Variants in SYDE2 observed in about 807,000 individuals in gnomAD.
SYDE2 encodes the protein synapse defective Rho GTPase homolog 2.
A neutral mutation model predicts 91.5 loss-of-function variants in SYDE2; 76 were observed. The ratio of observed to expected loss-of-function variants is 0.83; its 90% CI spans 0.69 to 1.01. The LOEUF is 1.01. SYDE2 is among the 50% of genes least tolerant of loss of function. The pLI, the probability that SYDE2 is intolerant of heterozygous loss-of-function variation, is 0.00. For synonymous variants in SYDE2, 513 were observed against 506.4 expected, an observed-to-expected ratio of 1.01 and a Z score of -0.18; for missense variants, 1,364 against 1,367.7, an observed-to-expected ratio of 1.00 and a Z score of 0.04.
intron 2 of SYDE2, among the ~76,000 whole-genome samples, chr1:85,188,190 T>C (rs1161910916): frequency 2.6e-5 from 4 of 152,176 alleles, no homozygotes; most frequent in African/African-American, 9.7e-5. Flanking sequence ...CACTCCACCC[T>C]GATCACAATC....
At position 85,159,988 on chromosome 1, in the gene SYDE2, C is replaced by T. The variant is rs949349411; in HGVS notation, c.3086-739G>A. 1.0e-5 allele frequency: 10 copies of T among 981,270 alleles called. No homozygotes were observed. In the Admixed American group the frequency reaches 3.7e-4, roughly 37 times the overall value. The allele number at this position is 981,270 out of a possible 1,614,324, so 60.8% of individuals were successfully genotyped here. ...GTATGCATTGTGCTAGCCATATAGA[C>T]GATTACCACAGAGACACACATTACT... On this transcript the variant is annotated intron_variant, in intron 6 of 6. Coordinates refer to ENST00000341460, the MANE Select transcript of SYDE2 (RefSeq NM_032184.2).
intron 3 of SYDE2, 142 bp from the exon 4 acceptor site, chr1:85,178,414 C>T (rs1036985976): frequency 5.7e-6 from 4 of 697,854 alleles, no homozygotes; most frequent in Non-Finnish European, 9.3e-6. Context: ...TTTGAAGTCT[C>T]ATTATATACT....
chr1:85,200,387 C>A lies in SYDE2; in HGVS notation c.610G>T (p.Gly204Ter). The change falls in exon 1 of 7, where the codon GGA (glycine) becomes TGA (stop). Residue 204 changes from glycine (G) to a stop codon, truncating the protein, a stop_gained. Transcript: ENST00000341460. LOFTEE classifies it high-confidence loss of function. Reference sequence around the variant, plus strand: ...GTCCCACGGGCACGACCCTTCATTCCCAGGGACAGCAGACGCCCTTTGTAC... The same window carrying A: ...GTCCCACGGGCACGACCCTTCATTCACAGGGACAGCAGACGCCCTTTGTAC... The part of the protein sequence containing the change: ...WMYKGRLLSL[G>*]MKGRARGTAP... The A allele has an allele frequency of 6.2e-7, 1 of 1,614,028 alleles. No individual in the cohort carries two copies. The highest frequency in any genetic ancestry group is 8.5e-7 in the Non-Finnish European group (1 of 1,179,900).
At position 85,164,694 on chromosome 1, in the gene SYDE2, T is replaced by A; in HGVS notation, c.2917A>T (p.Met973Leu). ...LVASYHEVNK[M>L]TCQNLAVCFG... ...CACACAGCCAAATTCTGGCACGTCA[T>A]CTTATTCACTTCATGATAGGAAGCC... is the stretch of plus-strand genomic sequence containing the variant. The change falls in exon 6 of 7, where the codon ATG becomes TTG. Residue 973 changes from methionine (M) to leucine (L), a missense_variant. Met to Leu is a conservative substitution (Grantham distance 15, BLOSUM62 2). Transcript: ENST00000341460. 1.3e-6 allele frequency: 2 copies of A among 1,525,646 alleles called. No homozygotes were observed. Among genetic ancestry groups the A allele is most frequent in the Non-Finnish European group, 1.8e-6 (2 of 1,137,358 alleles). The allele number at this position is 1,525,646 out of a possible 1,614,324, so 94.5% of individuals were successfully genotyped here. A position where few individuals can be genotyped will look rare whatever the true frequency, so the allele number is the denominator to read the frequency against.
In SYDE2 at chr1:85,159,859, A is replaced by G. The variant is rs372274311; in HGVS notation, c.3086-610T>C. The G allele has an allele frequency of 1.2e-4, 116 of 983,380 alleles. No individual in the cohort carries two copies. The African/African-American group carries it at 2.0e-3, about 17-fold the overall frequency. The allele number at this position is 983,380 out of a possible 1,614,324, so 60.9% of individuals were successfully genotyped here. ...TTATACAGCATTATCTACTATCTTC[A>G]TTTATTGCCTGGAAATAGTACAGAT... On this transcript the variant is annotated intron_variant, in intron 6 of 6. Coordinates refer to ENST00000341460, the MANE Select transcript of SYDE2 (RefSeq NM_032184.2).
chr1:85,199,145 TAA>T (rs1658711255), intron 1 of SYDE2, among the ~76,000 whole-genome samples: 1 of 152,212 alleles, frequency 6.6e-6, no homozygotes, highest in South Asian at 2.1e-4. Context: ...TTAATGTGTA[TAA>T]ATCCAGTCCT....
At chr1:85,192,046 C>T (rs537700159) in intron 1 of SYDE2, among the ~76,000 whole-genome samples, 3 of 152,244 alleles carry the variant, frequency 2.0e-5, no homozygotes, top group Admixed American at 1.3e-4. Context: ...GTCAACTCAT[C>T]TTATTGGCAC....
At chr1:85,179,644 C>G (rs1394762738) in intron 3 of SYDE2, among the ~76,000 whole-genome samples, 4 of 152,144 alleles carry the variant, frequency 2.6e-5, no homozygotes, top group African/African-American at 4.8e-5. Flanking sequence ...ATGAGTTATG[C>G]TGATCACATC....
At chr1:85,197,816 G>A (rs550263971) in intron 1 of SYDE2, among the ~76,000 whole-genome samples, 6 of 151,854 alleles carry the variant, frequency 4.0e-5, no homozygotes, top group East Asian at 3.9e-4. Context: ...CACCACGCCC[G>A]GCTAATTTTT....
chr1:85,164,558 T>A lies in SYDE2; in HGVS notation c.3053A>T (p.Glu1018Val). 1 of 1,604,630 alleles carries A rather than the reference T, an allele frequency of 6.2e-7. No individual in the cohort carries two copies. The highest frequency in any genetic ancestry group is 8.5e-7 in the Non-Finnish European group (1 of 1,175,862). The change falls in exon 6 of 7, where the codon GAA becomes GTA. Residue 1018 changes from glutamate to valine, a missense_variant. Physicochemically the swap from Glu to Val is moderately radical, Grantham distance 121. Coordinates refer to ENST00000341460, the MANE Select transcript of SYDE2 (RefSeq NM_032184.2). Reference protein sequence around the residue: ...ASALDFKKHIEVLHYLLQLWP... With the variant: ...ASALDFKKHIVVLHYLLQLWP... ...GAGTTGGAGTAAGTAATGAAGAACT[T>A]CAATGTGTTTTTTAAAATCCAAAGC...
intron 1 of SYDE2, among the ~76,000 whole-genome samples, chr1:85,194,347 G>A (rs934809294): frequency 3.3e-5 from 5 of 149,478 alleles, no homozygotes; most frequent in Admixed American, 6.7e-5. Flanking sequence ...TATTTTTGTA[G>A]AGAAAGGGTC....
chr1:85,182,009 T>G lies in SYDE2; in HGVS notation c.2544+89A>C, dbSNP rs907277758. 4.5e-6 allele frequency: 6 copies of G among 1,325,538 alleles called. No homozygotes were observed. In the East Asian group the frequency reaches 1.5e-4, roughly 34 times the overall value. 82.1% of individuals were successfully genotyped at this position (1,325,538 alleles called of 1,614,324 possible). A position where few individuals can be genotyped will look rare whatever the true frequency, so the allele number is the denominator to read the frequency against. On this transcript the variant is annotated intron_variant, in intron 3 of 6. Coordinates refer to ENST00000341460, the MANE Select transcript of SYDE2 (RefSeq NM_032184.2). Reference sequence around the variant, plus strand: ...GAATGGTAAAATATCTAAATTTGATTTTTTTACATTACCTTGAATTTCTTC... The same window carrying G: ...GAATGGTAAAATATCTAAATTTGATGTTTTTACATTACCTTGAATTTCTTC...
At chr1:85,152,615 T>A (rs1185042841), downstream of SYDE2, 2 of 152,240 alleles carry the variant, frequency 1.3e-5, no homozygotes, top group East Asian at 3.8e-4. Context: ...CTTATTACAG[T>A]TATTCATTGA....
intron 2 of SYDE2, among the ~76,000 whole-genome samples, chr1:85,185,922 T>C (rs985378382): frequency 3.3e-5 from 5 of 152,182 alleles, no homozygotes; most frequent in Admixed American, 3.3e-4. Flanking sequence ...CAGTATGATA[T>C]TGGCTGTGGG....
In SYDE2 at chr1:85,183,088, A is replaced by G. The variant is rs760017813; in HGVS notation, c.1554T>C (p.Asp518=). ...TCACAGTTCGTGGAGATTTTATTTT[A>G]TCTGGCAATGACCAATTAATTGAAC... ...KGSSINWSLP[D]KIKSPRTVRK... is the part of the protein sequence containing the mutation. Residue 518 remains aspartate, a synonymous_variant, in exon 3 of 7, where the codon GAT becomes GAC. Coordinates refer to ENST00000341460, the MANE Select transcript of SYDE2 (RefSeq NM_032184.2). 11 of 1,613,472 alleles carry G rather than the reference A, an allele frequency of 6.8e-6. No homozygotes were observed. The South Asian group carries it at 8.8e-5, about 13-fold the overall frequency.
At chr1:85,178,098 G>A (rs912272179) in intron 4 of SYDE2, 48 bp downstream of exon 4, 5 of 1,404,398 alleles carry the variant, frequency 3.6e-6, no homozygotes, top group Non-Finnish European at 3.9e-6. Flanking sequence ...CTTTCTTGCA[G>A]ATGTAGTCTT....
downstream of SYDE2, among the ~76,000 whole-genome samples, chr1:85,156,051 T>C (rs549030870): frequency 2.0e-5 from 3 of 152,248 alleles, no homozygotes; most frequent in East Asian, 5.8e-4. Context: ...TGAAGTGAGA[T>C]AAACTGTTTA....
At chr1:85,199,281 T>C (rs1480604237) in intron 1 of SYDE2, among the ~76,000 whole-genome samples, 1 of 152,212 alleles carries the variant, frequency 6.6e-6, no homozygotes, top group Non-Finnish European at 1.5e-5. Context: ...AAAATTTTTA[T>C]ATGTAAGAGT....
rs56191061 is a variant in SYDE2 at position 85,190,233 on chromosome 1, G to A, written c.1265C>T (p.Ser422Leu). ...LMKAERHTEDSLCSSEHAGDI... is the reference protein window; with the variant it reads ...LMKAERHTEDLLCSSEHAGDI... ...ACCTGCATGTTCGGAAGAGCACAGTGAGTCTTCAGTATGCCGCTCTGCTTT... is the reference window on the plus strand; with the variant it reads ...ACCTGCATGTTCGGAAGAGCACAGTAAGTCTTCAGTATGCCGCTCTGCTTT... Residue 422 changes from serine to leucine, a missense_variant, in exon 2 of 7, where the codon TCA (serine) becomes TTA (leucine). Coordinates refer to ENST00000341460, the MANE Select transcript of SYDE2 (RefSeq NM_032184.2). 0.056 allele frequency: 90,085 copies of A among 1,613,868 alleles called. 2,912 individuals are homozygous for A. The highest frequency in any genetic ancestry group is 0.14 in the East Asian group (6,348 of 44,860).
Sources: gnomAD v4.1 joint callset for allele counts (sites outside exome capture counted in the v4.1 genomes callset) on GRCh38, gnomAD v4.1.1 for gene constraint, MANE v1.5 for transcripts, NCBI Gene and HGNC (gene_info 2026-07-23, HGNC 2026-07-21) for gene names.